KCTD16: variants seen among roughly 807,000 people sequenced by gnomAD.
KCTD16 encodes the protein potassium channel tetramerization domain containing 16.
Under a neutral mutation model 33.2 loss-of-function variants are expected in KCTD16, and 13 were observed. The observed-to-expected ratio is 0.39, with a 90% confidence interval of 0.25 to 0.62. KCTD16 has a LOEUF of 0.62. Ranked by LOEUF, KCTD16 falls within the 20% of genes least tolerant of loss-of-function variation. The probability of loss-of-function intolerance (pLI) is 0.50; values close to 1 mark genes in which losing one functional copy is unlikely to be tolerated. For missense variants in KCTD16, 441 were observed against 525.1 expected, an observed-to-expected ratio of 0.84 and a Z score of 1.57; for synonymous variants, 197 against 195.3, an observed-to-expected ratio of 1.01 and a Z score of -0.07.
intron 3 of KCTD16, among the ~76,000 whole-genome samples, chr5:144,459,531 G>T (rs1450606236): frequency 1.3e-5 from 2 of 151,608 alleles, no homozygotes; most frequent in Non-Finnish European, 2.9e-5. Flanking sequence ...TGTATTTTTA[G>T]TAGAGACAAG....
At chr5:144,341,925 C>A (rs941117792) in intron 3 of KCTD16, among the ~76,000 whole-genome samples, 1 of 152,138 alleles carries the variant, frequency 6.6e-6, no homozygotes, top group Non-Finnish European at 1.5e-5. Context: ...TAGTTTCAGT[C>A]TTGTATGTAA....
At chr5:144,186,002 G>A (rs908932876) in intron 2 of KCTD16, among the ~76,000 whole-genome samples, 1 of 152,078 alleles carries the variant, frequency 6.6e-6, no homozygotes, top group Non-Finnish European at 1.5e-5. Context: ...CTTGCCCTAG[G>A]TGACCCAGTT....
chr5:144,342,430 C>A (rs1477999619), intron 3 of KCTD16, among the ~76,000 whole-genome samples: 1 of 152,062 alleles, frequency 6.6e-6, no homozygotes, highest in Non-Finnish European at 1.5e-5. Flanking sequence ...GATTTTGTAT[C>A]CTGAGACTTT....
At chr5:144,220,338 T>C (rs1460874969) in intron 3 of KCTD16, among the ~76,000 whole-genome samples, 1 of 152,236 alleles carries the variant, frequency 6.6e-6, no homozygotes, top group Admixed American at 6.5e-5. Context: ...TGTAACTATT[T>C]GCTTGATTTA....
intron 3 of KCTD16, among the ~76,000 whole-genome samples, chr5:144,373,317 G>T (rs1360100727): frequency 6.6e-6 from 1 of 152,042 alleles, no homozygotes; most frequent in Non-Finnish European, 1.5e-5. Context: ...TGCTATGAGG[G>T]GTGGTAAGCA....
rs1164300127 is a variant in KCTD16 at position 144,476,411 on chromosome 5, G to A, written c.*2297G>A. 6.6e-6 allele frequency: 1 copy of A among 152,118 alleles called. No individual in the cohort carries two copies. The highest frequency in any genetic ancestry group is 1.5e-5 in the Non-Finnish European group (1 of 68,022). 9.4% of individuals were successfully genotyped at this position (152,118 alleles called of 1,614,324 possible). A position where few individuals can be genotyped will look rare whatever the true frequency, so the allele number is the denominator to read the frequency against. ...ATATTTCTACTACATTCTTTAAACA[G>A]GAAATTAAACACTGCAAAAGGAGTG... On this transcript the variant is annotated 3_prime_UTR_variant, in exon 4 of 4. Transcript: ENST00000512467.
chr5:144,467,034 T>TAGTGTTA, intron 3 of KCTD16, among the ~76,000 whole-genome samples: 1 of 59,906 alleles, frequency 1.7e-5, no homozygotes, highest in Non-Finnish European at 3.7e-5. Flanking sequence ...ACACTATATA[T>TAGTGTTA]TATATATAAT....
intron 3 of KCTD16, among the ~76,000 whole-genome samples, chr5:144,328,432 C>T (rs1021697361): frequency 6.6e-6 from 1 of 152,100 alleles, no homozygotes; most frequent in African/African-American, 2.4e-5. Context: ...AGTAGGCCTT[C>T]CCCTGAGACT....
chr5:144,341,653 C>G (rs528955620), intron 3 of KCTD16, among the ~76,000 whole-genome samples: 15 of 152,262 alleles, frequency 9.9e-5, no homozygotes, highest in Middle Eastern at 3.4e-3. Flanking sequence ...CACAAGTTCA[C>G]CGATTCCCAA....
At chr5:144,282,109 A>T (rs966289450) in intron 3 of KCTD16, among the ~76,000 whole-genome samples, 2 of 152,312 alleles carry the variant, frequency 1.3e-5, no homozygotes, top group South Asian at 2.1e-4. Context: ...CACCAGAAAG[A>T]CCAAGGCAAG....
At chr5:144,399,142 A>G (rs1015830144) in intron 3 of KCTD16, among the ~76,000 whole-genome samples, 1 of 152,196 alleles carries the variant, frequency 6.6e-6, no homozygotes, top group African/African-American at 2.4e-5. Context: ...AGATTAAAGC[A>G]AAACGGTAGT....
Position 144,333,510 on chromosome 5 carries a change from G to C in KCTD16, c.832+125964G>C, listed in dbSNP as rs528561248. On this transcript the variant is annotated intron_variant, in intron 3 of 3. Transcript: ENST00000512467. The stretch of plus-strand genomic sequence containing the variant: ...GTAGCTTGGCTAGGTAGTTATTCTG[G>C]TGTTGACTGGGCTCACTCAGTTCAT... 4.4e-4 allele frequency among the ~76,000 whole-genome samples: 67 copies of C among 152,172 alleles called. 2 individuals carry two copies. In the South Asian group the frequency reaches 0.013, roughly 31 times the overall value.
chr5:144,369,093 G>A (rs1462586044), intron 3 of KCTD16, among the ~76,000 whole-genome samples: 1 of 152,072 alleles, frequency 6.6e-6, no homozygotes, highest in East Asian at 1.9e-4. Context: ...CTTGCTTTGT[G>A]TGAGAGAGAA....
intron 3 of KCTD16, among the ~76,000 whole-genome samples, chr5:144,420,821 C>CA (rs777928973): frequency 2.0e-5 from 3 of 152,080 alleles, no homozygotes; most frequent in Non-Finnish European, 4.4e-5. Context: ...GAGACTGGGG[C>CA]AAAAATCGCT....
chr5:144,199,436 G>A (rs1031159302), intron 2 of KCTD16, among the ~76,000 whole-genome samples: 3 of 152,194 alleles, frequency 2.0e-5, no homozygotes, highest in Non-Finnish European at 4.4e-5. Context: ...GGACTTCAGG[G>A]GAGGCAAAGG....
intron 3 of KCTD16, among the ~76,000 whole-genome samples, chr5:144,446,433 G>A (rs959004281): frequency 6.6e-6 from 1 of 151,918 alleles, no homozygotes; most frequent in African/African-American, 2.4e-5. Flanking sequence ...TTAAATGTAA[G>A]ACCCAAAACC....
chr5:144,417,618 T>A (rs545501915), intron 3 of KCTD16, among the ~76,000 whole-genome samples: 58 of 152,308 alleles, frequency 3.8e-4, no homozygotes, highest in Non-Finnish European at 7.9e-4. Flanking sequence ...TTTGATGAGA[T>A]ACAATTTATT....
intron 2 of KCTD16, among the ~76,000 whole-genome samples, chr5:144,181,179 C>A (rs549051765): frequency 1.3e-5 from 2 of 152,110 alleles, no homozygotes; most frequent in African/African-American, 4.8e-5. Flanking sequence ...ATGATCCGCC[C>A]GCCTCTGCCT....
chr5:144,342,291 G>T (rs149292896), intron 3 of KCTD16, among the ~76,000 whole-genome samples: 1 of 152,064 alleles, frequency 6.6e-6, no homozygotes. Flanking sequence ...GGTCCTTCAC[G>T]TCCCTTGTAA....
Sources: gnomAD v4.1 joint callset for allele counts (sites outside exome capture counted in the v4.1 genomes callset) on GRCh38, gnomAD v4.1.1 for gene constraint, MANE v1.5 for transcripts, NCBI Gene and HGNC (gene_info 2026-07-23, HGNC 2026-07-21) for gene names.